The following TANC1 variants were observed in gnomAD, a reference collection of about 807,000 sequenced individuals.
TANC1 encodes the protein protein TANC1.
Under a neutral mutation model 149.7 loss-of-function variants are expected in TANC1, and 77 were observed. The observed-to-expected ratio is 0.51, with a 90% CI of 0.43 to 0.62. TANC1 has a LOEUF of 0.62. TANC1 is among the 20% of genes least tolerant of loss of function. The pLI is 0.00. For missense variants in TANC1, 1,985 were observed against 2,321.8 expected (o/e 0.85, Z 2.98); for synonymous variants, 854 against 925.0 (o/e 0.92, Z 1.39).
intron 1 of TANC1, among the ~76,000 whole-genome samples, chr2:158,985,824 A>T (rs765825112): frequency 1.3e-5 from 2 of 152,060 alleles, no homozygotes; most frequent in African/African-American, 2.4e-5. Context: ...TTGTATTTTT[A>T]GTAGAGACTG....
chr2:159,024,454 T>G (rs968000031), intron 2 of TANC1, among the ~76,000 whole-genome samples: 19 of 152,076 alleles, frequency 1.2e-4, no homozygotes, highest in Non-Finnish European at 2.4e-4. Flanking sequence ...CCGCACTGTT[T>G]AAAAAATCCT....
chr2:159,149,070 T>C (rs2052476120), intron 5 of TANC1, 72 bp from the exon 6 acceptor site: 2 of 1,492,342 alleles, frequency 1.3e-6, no homozygotes, highest in Admixed American at 4.4e-5. Flanking sequence ...GCAGCTGTAG[T>C]GTGAACTCAT....
intron 19 of TANC1, among the ~76,000 whole-genome samples, chr2:159,200,029 C>T (rs2058132455): frequency 6.6e-6 from 1 of 152,154 alleles, no homozygotes; most frequent in African/African-American, 2.4e-5. Flanking sequence ...AGAATTCCAG[C>T]GGAGTTGGAT....
At chr2:159,197,147 AT>A (rs752233908) in intron 18 of TANC1, among the ~76,000 whole-genome samples, 2 of 152,210 alleles carry the variant, frequency 1.3e-5, no homozygotes, top group Non-Finnish European at 2.9e-5. Context: ...TCATTTAAAA[AT>A]AATCACATAG....
chr2:159,210,097 G>T (rs1575277155), intron 19 of TANC1, among the ~76,000 whole-genome samples: 1 of 152,288 alleles, frequency 6.6e-6, no homozygotes, highest in South Asian at 2.1e-4. Context: ...CAGGAAGTGG[G>T]TTCTGCAGGT....
chr2:159,020,726 G>T (rs2038759084), intron 2 of TANC1, among the ~76,000 whole-genome samples: 2 of 152,194 alleles, frequency 1.3e-5, no homozygotes, highest in African/African-American at 4.8e-5. Flanking sequence ...CAGGGGCAAT[G>T]AATTTAAGAG....
intron 2 of TANC1, among the ~76,000 whole-genome samples, chr2:159,048,846 G>A (rs1252184252): frequency 2.0e-5 from 3 of 152,190 alleles, no homozygotes; most frequent in African/African-American, 7.2e-5. Flanking sequence ...GCCCAGGCTG[G>A]TCTTGAACTC....
intron 14 of TANC1, 149 bp from the exon 15 acceptor site, chr2:159,185,642 A>G (rs140805771): frequency 4.0e-4 from 242 of 610,028 alleles, no homozygotes; most frequent in African/African-American, 3.9e-3. Flanking sequence ...AGGCATTATG[A>G]CTCAGATGAG....
intron 4 of TANC1, among the ~76,000 whole-genome samples, chr2:159,125,760 G>A (rs1312522791): frequency 6.6e-6 from 1 of 152,040 alleles, no homozygotes; most frequent in Non-Finnish European, 1.5e-5. Flanking sequence ...CTAATTTTTT[G>A]TATTTTTAGT....
chr2:159,170,473 A>C, intron 9 of TANC1, 51 bp from the exon 10 acceptor site: 1 of 1,493,946 alleles, frequency 6.7e-7, no homozygotes, highest in Non-Finnish European at 9.0e-7. Flanking sequence ...TGAGTTTCTT[A>C]GTTTATAAAA....
At chr2:158,975,405 T>A (rs963609594) in intron 1 of TANC1, among the ~76,000 whole-genome samples, 3 of 152,108 alleles carry the variant, frequency 2.0e-5, no homozygotes, top group African/African-American at 7.2e-5. Flanking sequence ...GGGAGTGAAT[T>A]TTGATTAAGC....
intron 4 of TANC1, among the ~76,000 whole-genome samples, chr2:159,121,523 G>A (rs2048847286): frequency 6.6e-6 from 1 of 152,118 alleles, no homozygotes; most frequent in African/African-American, 2.4e-5. Context: ...TAGTGGAGAC[G>A]GGGTTTCGCC....
chr2:159,152,423 A>G (rs1230477865), intron 7 of TANC1, among the ~76,000 whole-genome samples: 1 of 148,196 alleles, frequency 6.7e-6, no homozygotes, highest in Non-Finnish European at 1.5e-5. Flanking sequence ...TCTTTTGAAC[A>G]TCCTGGCCAT....
chr2:159,163,625 A>G (rs2150406820), intron 8 of TANC1, 79 bp downstream of exon 8: 1 of 1,514,820 alleles, frequency 6.6e-7, no homozygotes, highest in Non-Finnish European at 8.9e-7. Flanking sequence ...ACATGGGAAG[A>G]CACTCCAGAT....
At chr2:159,093,550 G>C (rs1185585796) in intron 3 of TANC1, among the ~76,000 whole-genome samples, 2 of 152,156 alleles carry the variant, frequency 1.3e-5, no homozygotes, top group African/African-American at 4.8e-5. Flanking sequence ...GCTCCAGAGT[G>C]CTAGATCCAC....
At chr2:159,021,693 AT>A (rs1417037207) in intron 2 of TANC1, among the ~76,000 whole-genome samples, 1 of 152,260 alleles carries the variant, frequency 6.6e-6, no homozygotes, top group Non-Finnish European at 1.5e-5. Flanking sequence ...TAAAAATAAA[AT>A]AGTAACAATT....
chr2:159,080,858 A>G (rs574602820), intron 3 of TANC1, among the ~76,000 whole-genome samples: 2 of 152,266 alleles, frequency 1.3e-5, no homozygotes, highest in South Asian at 2.1e-4. Flanking sequence ...CCTATCCCTC[A>G]GCCAGCCAGA....
chr2:158,973,074 G>A lies in TANC1; in HGVS notation c.-126+4292G>A, dbSNP rs531531192. Among the ~76,000 whole-genome samples, 7 of 152,256 alleles carry A rather than the reference G, an allele frequency of 4.6e-5. No homozygotes were observed. In the East Asian group the frequency reaches 7.7e-4, roughly 17 times the overall value. ...TCCCCTGCAGGTGGGTGTGATCAAG[G>A]AGAATGTTCTAGAAAGAAGAGTTCC... is the stretch of plus-strand genomic sequence containing the variant. On this transcript the variant is annotated intron_variant, in intron 1 of 26. Coordinates refer to ENST00000263635, the MANE Select transcript of TANC1 (RefSeq NM_033394.3).
intron 7 of TANC1, among the ~76,000 whole-genome samples, chr2:159,154,225 A>C (rs1438759887): frequency 6.6e-6 from 1 of 152,186 alleles, no homozygotes; most frequent in Non-Finnish European, 1.5e-5. Context: ...TATTCAGAGC[A>C]GTTTGGGGAA....
Sources: allele counts gnomAD v4.1 joint callset (sites outside exome capture counted in the v4.1 genomes callset), GRCh38; gene constraint gnomAD v4.1.1; transcripts MANE v1.5; gene names NCBI Gene and HGNC (gene_info 2026-07-23, HGNC 2026-07-21).